The following CACNB2 variants were observed in gnomAD, a reference collection of about 807,000 sequenced individuals.
CACNB2 encodes the protein calcium voltage-gated channel auxiliary subunit beta 2.
Under a neutral mutation model 73.3 loss-of-function variants are expected in CACNB2, and 42 were observed. The ratio of observed to expected loss-of-function variants is 0.57; its 90% confidence interval spans 0.45 to 0.74. CACNB2 has a LOEUF of 0.74. CACNB2 is among the 30% of genes least tolerant of loss of function. The pLI is 0.00. For missense variants in CACNB2, 940 were observed against 853.0 expected (o/e 1.10, Z -1.27); for synonymous variants, 348 against 310.3 (o/e 1.12, Z -1.28).
intron 2 of CACNB2, among the ~76,000 whole-genome samples, chr10:18,301,092 AG>A (rs1235369345): frequency 6.6e-6 from 1 of 152,228 alleles, no homozygotes; most frequent in African/African-American, 2.4e-5. Context: ...CTTTTCAAAA[AG>A]GGGACTCGTG....
At chr10:18,228,779 A>G (rs180821441) in intron 2 of CACNB2, among the ~76,000 whole-genome samples, 397 of 152,006 alleles carry the variant, frequency 2.6e-3, no homozygotes, top group Non-Finnish European at 3.9e-3. Flanking sequence ...CACTCTTGTC[A>G]CCCAGGTTGG....
At chr10:18,386,168 C>T (rs16917244) in intron 2 of CACNB2, among the ~76,000 whole-genome samples, 18,617 of 152,120 alleles carry the variant, frequency 0.12, 1,516 homozygotes, top group East Asian at 0.25. Flanking sequence ...GTTTTAACAT[C>T]AGGACTAAAC....
intron 3 of CACNB2, among the ~76,000 whole-genome samples, chr10:18,477,351 T>C (rs2048492325): frequency 6.6e-6 from 1 of 152,204 alleles, no homozygotes; most frequent in Admixed American, 6.5e-5. Context: ...GGTGCTGAAC[T>C]CCCATGAATA....
intron 2 of CACNB2, among the ~76,000 whole-genome samples, chr10:18,311,416 C>T (rs1287962200): frequency 1.3e-5 from 2 of 152,000 alleles, no homozygotes; most frequent in Non-Finnish European, 2.9e-5. Context: ...CGGTTAGGGG[C>T]GTTGACCCAT....
intron 2 of CACNB2, among the ~76,000 whole-genome samples, chr10:18,377,104 T>A (rs2042829990): frequency 6.6e-6 from 1 of 152,236 alleles, no homozygotes; most frequent in Non-Finnish European, 1.5e-5. Context: ...TATCAACATA[T>A]CTCATGTACC....
At chr10:18,448,945 G>A (rs550456891) in intron 3 of CACNB2, among the ~76,000 whole-genome samples, 45 of 152,336 alleles carry the variant, frequency 3.0e-4, no homozygotes, top group Middle Eastern at 3.4e-3. Context: ...AAGATGGACA[G>A]GTAGAGATGA....
intron 2 of CACNB2, among the ~76,000 whole-genome samples, chr10:18,306,410 T>C (rs1214202479): frequency 6.6e-6 from 1 of 152,124 alleles, no homozygotes; most frequent in African/African-American, 2.4e-5. Context: ...CATAGATAAA[T>C]ATGTAAAGGG....
At chr10:18,290,123 T>TC (rs917798878) in intron 2 of CACNB2, among the ~76,000 whole-genome samples, 3 of 133,146 alleles carry the variant, frequency 2.3e-5, no homozygotes, top group Non-Finnish European at 4.8e-5. Flanking sequence ...TTTTTTTTTT[T>TC]TTTTTTTTTT....
intron 3 of CACNB2, among the ~76,000 whole-genome samples, chr10:18,469,764 C>T (rs913264501): frequency 6.6e-6 from 1 of 152,122 alleles, no homozygotes; most frequent in Non-Finnish European, 1.5e-5. Flanking sequence ...ACTATAAAAT[C>T]GTAACCACAT....
intron 2 of CACNB2, among the ~76,000 whole-genome samples, chr10:18,200,718 T>C (rs1296474235): frequency 1.3e-5 from 2 of 152,176 alleles, no homozygotes; most frequent in Non-Finnish European, 2.9e-5. Context: ...CTAAGAAACT[T>C]GTAACTTCAT....
At chr10:18,220,532 G>T (rs7924114) in intron 2 of CACNB2, among the ~76,000 whole-genome samples, 33,750 of 151,208 alleles carry the variant, frequency 0.22, 5,902 homozygotes, top group African/African-American at 0.5. Context: ...AAAGTTCTGG[G>T]CTTACAGGTG....
intron 1 of CACNB2, among the ~76,000 whole-genome samples, chr10:18,149,362 C>T (rs773971203): frequency 9.2e-5 from 14 of 152,064 alleles, no homozygotes; most frequent in Non-Finnish European, 1.8e-4. Flanking sequence ...AGCTGTTAAC[C>T]GAGGACAACC....
intron 2 of CACNB2, among the ~76,000 whole-genome samples, chr10:18,222,060 C>A (rs567369069): frequency 6.6e-6 from 1 of 152,306 alleles, no homozygotes; most frequent in Non-Finnish European, 1.5e-5. Flanking sequence ...TAGTTGCTAA[C>A]GTTACAAGGA....
At chr10:18,260,961 A>G (rs886676969) in intron 2 of CACNB2, 16 of 1,306,640 alleles carry the variant, frequency 1.2e-5, no homozygotes, top group African/African-American at 1.5e-5. Context: ...CTGTGTTAGC[A>G]ATACTTACTT....
At position 18,314,865 on chromosome 10, in the gene CACNB2, A is replaced by G. The variant is rs570909810; in HGVS notation, c.214-87059A>G. On this transcript the variant is annotated intron_variant, in intron 2 of 13. Coordinates refer to ENST00000324631, the MANE Select transcript of CACNB2 (RefSeq NM_201596.3). ...CTTAAAATCTGCACCAAAAGATTAA[A>G]AAACACTTACACTAAAAACTTACTA... Among the ~76,000 whole-genome samples the G allele has an allele frequency of 2.4e-3, 364 of 152,340 alleles. 2 individuals carry two copies. Among genetic ancestry groups the G allele is most frequent in the African/African-American group, 8.5e-3 (353 of 41,580 alleles).
At chr10:18,397,720 CAAAAAAAAAA>C (rs10581390) in intron 2 of CACNB2, among the ~76,000 whole-genome samples, 14 of 91,736 alleles carry the variant, frequency 1.5e-4, no homozygotes, top group African/African-American at 6.2e-4. Context: ...GACTCCGTCT[CAAAAAAAAAA>C]AAAAAAAAAA....
At chr10:18,335,502 G>A (rs1266591950) in intron 2 of CACNB2, among the ~76,000 whole-genome samples, 1 of 152,186 alleles carries the variant, frequency 6.6e-6, no homozygotes, top group Non-Finnish European at 1.5e-5. Context: ...GCTGAGGCAT[G>A]AGGATTGCTT....
intron 3 of CACNB2, among the ~76,000 whole-genome samples, chr10:18,433,877 TTG>T (rs2046006623): frequency 3.0e-4 from 2 of 6,772 alleles, no homozygotes; most frequent in Admixed American, 6.3e-3. Flanking sequence ...TCAGATTTTG[TTG>T]TTGTTGTTGT....
At chr10:18,519,034 A>G (rs1046826064) in intron 9 of CACNB2, 66 bp downstream of exon 9, 27 of 1,354,328 alleles carry the variant, frequency 2.0e-5, no homozygotes, top group Middle Eastern at 3.6e-4. Flanking sequence ...CTGGTGGGAC[A>G]TGCGTGTGAT....
Sources: gnomAD v4.1 joint callset for allele counts (sites outside exome capture counted in the v4.1 genomes callset) on GRCh38, gnomAD v4.1.1 for gene constraint, MANE v1.5 for transcripts, NCBI Gene and HGNC (gene_info 2026-07-23, HGNC 2026-07-21) for gene names.